The following SGCD variants were observed in gnomAD, a reference collection of about 807,000 sequenced individuals.
The protein encoded by SGCD is sarcoglycan delta.
SGCD carries 18 observed loss-of-function variants against 36.6 expected under a neutral mutation model. That is an observed-to-expected ratio of 0.49 (90% CI 0.34 to 0.73). SGCD has a LOEUF of 0.73. Among genes scored for constraint, SGCD ranks in the 30% least tolerant of loss-of-function variants. The probability of loss-of-function intolerance (pLI) is 0.01; values close to 1 mark genes in which losing one functional copy is unlikely to be tolerated. For synonymous variants in SGCD, 133 were observed against 130.6 expected, an observed-to-expected ratio of 1.02 and a Z score of -0.12; for missense variants, 387 against 346.7, an observed-to-expected ratio of 1.12 and a Z score of -0.92.
intron 1 of SGCD, among the ~76,000 whole-genome samples, chr5:155,981,725 T>C (rs752508330): frequency 2.0e-5 from 3 of 152,202 alleles, no homozygotes; most frequent in Non-Finnish European, 2.9e-5. Flanking sequence ...ATTCCTACAA[T>C]GAATCTGTGC....
chr5:156,296,753 T>A (rs922663379), intron 3 of SGCD, among the ~76,000 whole-genome samples: 7 of 152,128 alleles, frequency 4.6e-5, no homozygotes, highest in Non-Finnish European at 8.8e-5. Context: ...CTGAGAGGAA[T>A]GTGTATTCTG....
At chr5:156,564,704 G>A (rs1581175396) in intron 4 of SGCD, among the ~76,000 whole-genome samples, 1 of 151,760 alleles carries the variant, frequency 6.6e-6, no homozygotes, top group Non-Finnish European at 1.5e-5. Context: ...TTCTATGAAT[G>A]TGACCATTTT....
intron 6 of SGCD, among the ~76,000 whole-genome samples, chr5:156,635,654 G>A (rs1762799029): frequency 6.6e-6 from 1 of 152,170 alleles, no homozygotes; most frequent in African/African-American, 2.4e-5. Context: ...AACAATGACA[G>A]ACTGGATTAA....
At chr5:156,748,296 A>G (rs1212389981) in intron 7 of SGCD, among the ~76,000 whole-genome samples, 2 of 152,170 alleles carry the variant, frequency 1.3e-5, no homozygotes, top group Non-Finnish European at 2.9e-5. Context: ...ACCTGAAACT[A>G]TACATCTATC....
At chr5:156,125,536 G>C (rs775102115) in intron 3 of SGCD, among the ~76,000 whole-genome samples, 1 of 151,894 alleles carries the variant, frequency 6.6e-6, no homozygotes, top group Non-Finnish European at 1.5e-5. Flanking sequence ...TGAGATGGGC[G>C]GACATGTAAG....
At position 156,190,316 on chromosome 5, in the gene SGCD, A is replaced by G. The variant is rs773689956; in HGVS notation, c.-44+66297A>G. Among the ~76,000 whole-genome samples, 25 of 152,284 alleles carry G rather than the reference A, an allele frequency of 1.6e-4. 1 individual carries two copies. The highest frequency in any genetic ancestry group is 3.5e-4 in the Non-Finnish European group (24 of 68,016). On this transcript the variant is annotated intron_variant, in intron 3 of 9. Coordinates refer to the SGCD transcript ENST00000517913. ...ACTAAATATTTGCTAAATAATTCAA[A>G]AACTAGTGACCCATCTACCATGTAT...
chr5:156,523,512 G>C (rs1026259066), intron 4 of SGCD, among the ~76,000 whole-genome samples: 1 of 152,122 alleles, frequency 6.6e-6, no homozygotes, highest in African/African-American at 2.4e-5. Context: ...TATTAAGTCA[G>C]CTTATGACAG....
At chr5:156,423,241 ATT>A (rs370764358) in intron 3 of SGCD, among the ~76,000 whole-genome samples, 2 of 8,924 alleles carry the variant, frequency 2.2e-4, no homozygotes, top group African/African-American at 8.8e-4. Context: ...ATTATATTAT[ATT>A]TTATAATATT....
chr5:156,134,445 C>G (rs1762404776), intron 3 of SGCD, among the ~76,000 whole-genome samples: 1 of 152,166 alleles, frequency 6.6e-6, no homozygotes, highest in Non-Finnish European at 1.5e-5. Context: ...TTCCCCCAGT[C>G]TTTCCACCAG....
chr5:156,563,819 A>G (rs773289729), intron 4 of SGCD, among the ~76,000 whole-genome samples: 4 of 152,228 alleles, frequency 2.6e-5, no homozygotes, highest in Non-Finnish European at 4.4e-5. Context: ...ATCATTATCA[A>G]AGAATGAAGC....
intron 3 of SGCD, among the ~76,000 whole-genome samples, chr5:156,354,299 G>A (rs368104594): frequency 1.3e-4 from 20 of 152,150 alleles, no homozygotes; most frequent in African/African-American, 4.8e-4. Flanking sequence ...TAGTCTGGAA[G>A]CTGGTAAGTT....
At chr5:156,726,026 C>G (rs1036189781) in intron 7 of SGCD, among the ~76,000 whole-genome samples, 2 of 152,174 alleles carry the variant, frequency 1.3e-5, no homozygotes, top group Non-Finnish European at 2.9e-5. Context: ...CTAGTCATCT[C>G]CAAAGCATTT....
intron 3 of SGCD, among the ~76,000 whole-genome samples, chr5:156,182,977 G>T (rs1763645105): frequency 6.6e-6 from 1 of 152,036 alleles, no homozygotes. Context: ...ACCATATGTG[G>T]CCTTTAAAGT....
chr5:155,761,422 T>TCACCCTCTCCATCATCCTCTCC, the SGCD span, among the ~76,000 whole-genome samples: 2 of 46,598 alleles, frequency 4.3e-5, no homozygotes, highest in Non-Finnish European at 8.8e-5. Context: ...TCATCCTCTC[T>TCACCCTCTCCATCATCCTCTCC]ATCACCCTCT....
chr5:156,214,997 C>T (rs1764537449), intron 3 of SGCD, among the ~76,000 whole-genome samples: 1 of 151,950 alleles, frequency 6.6e-6, no homozygotes, highest in South Asian at 2.1e-4. Context: ...AAAACTACTA[C>T]AAGTTGAGCA....
At chr5:155,729,443 A>G in the SGCD span, among the ~76,000 whole-genome samples, 1 of 152,224 alleles carries the variant, frequency 6.6e-6, no homozygotes. Context: ...GAGACAGAGA[A>G]AGAGACAGAG....
At chr5:155,821,227 A>G in the SGCD span, among the ~76,000 whole-genome samples, 1 of 152,180 alleles carries the variant, frequency 6.6e-6, no homozygotes, top group Admixed American at 6.5e-5. Flanking sequence ...TCTTTGACCC[A>G]GTTATTTCAC....
chr5:156,670,180 A>G (rs993325462), intron 7 of SGCD, among the ~76,000 whole-genome samples: 14 of 152,216 alleles, frequency 9.2e-5, no homozygotes, highest in African/African-American at 3.1e-4. Flanking sequence ...AAAAATCATA[A>G]TGAGAGGGTA....
At chr5:156,470,461 T>C (rs545759078) in intron 3 of SGCD, among the ~76,000 whole-genome samples, 138 of 152,190 alleles carry the variant, frequency 9.1e-4, no homozygotes, top group Non-Finnish European at 1.6e-3. Flanking sequence ...TCATTTAGCA[T>C]TAGTTATATC....
Sources: allele counts gnomAD v4.1 joint callset (sites outside exome capture counted in the v4.1 genomes callset), GRCh38; gene constraint gnomAD v4.1.1; transcripts MANE v1.5; gene names NCBI Gene and HGNC (gene_info 2026-07-23, HGNC 2026-07-21).